Variants in TEX11 observed in about 807,000 individuals in gnomAD.
The protein encoded by TEX11 is testis expressed 11.
A neutral mutation model predicts 84.4 loss-of-function variants in TEX11; 7 were observed. That is an observed-to-expected ratio of 0.08 (90% CI 0.05 to 0.16). The LOEUF (loss-of-function observed/expected upper bound fraction) is 0.16. TEX11 is among the 10% of genes least tolerant of loss of function. The pLI, the probability that TEX11 is intolerant of heterozygous loss-of-function variation, is 1.00. For missense variants in TEX11, 551 were observed against 660.5 expected, an observed-to-expected ratio of 0.83 and a Z score of 1.82; for synonymous variants, 264 against 222.8, an observed-to-expected ratio of 1.18 and a Z score of -1.64.
chrX:70,520,951 G>T, the TEX11 span, among the ~76,000 whole-genome samples: 1 of 112,388 alleles, frequency 8.9e-6, no homozygotes, highest in East Asian at 2.8e-4. Context: ...GCCAGGCACG[G>T]GATATAATCT....
intron 28 of TEX11, among the ~76,000 whole-genome samples, chrX:70,541,100 G>C (rs776629546): frequency 9.0e-6 from 1 of 110,942 alleles, no homozygotes; most frequent in Admixed American, 9.7e-5. Context: ...TGAGGTGGGA[G>C]GATCGCTTAA....
chrX:70,542,189 G>T (rs982223076), intron 28 of TEX11, among the ~76,000 whole-genome samples: 1 of 110,731 alleles, frequency 9.0e-6, no homozygotes, highest in African/African-American at 3.3e-5. Context: ...GGTCATAAGA[G>T]GAGTGCTCTC....
chrX:70,772,000 C>T (rs764836605), intron 9 of TEX11, among the ~76,000 whole-genome samples: 2 of 111,871 alleles, frequency 1.8e-5, no homozygotes, highest in South Asian at 7.5e-4. Context: ...TGGCACGAAG[C>T]TTTATGCTGG....
chrX:70,748,871 T>A lies in TEX11; in HGVS notation c.693-4652A>T, dbSNP rs1221003295. Among the ~76,000 whole-genome samples the A allele has an allele frequency of 2.5e-3, 250 of 100,092 alleles. 3 individuals carry two copies. Among genetic ancestry groups the A allele is most frequent in the African/African-American group, 8.7e-3 (232 of 26,522 alleles). 86.9% of individuals were successfully genotyped at this position (100,092 alleles called of 115,157 possible). Reference sequence around the variant, plus strand: ...AGGTAGTGTGATGCCTCCAGCTTTGTTCTTTTGGCTTAGGATTGACTTGGC... The same window carrying A: ...AGGTAGTGTGATGCCTCCAGCTTTGATCTTTTGGCTTAGGATTGACTTGGC... On this transcript the variant is annotated intron_variant, in intron 9 of 29. Coordinates refer to ENST00000374333, the MANE Select transcript of TEX11 (RefSeq NM_031276.3).
intron 8 of TEX11, among the ~76,000 whole-genome samples, chrX:70,815,220 C>A (rs1201678360): frequency 2.7e-5 from 3 of 112,157 alleles, no homozygotes; most frequent in Non-Finnish European, 3.8e-5. Context: ...AAGAAAGAAT[C>A]CCTATGTTCC....
At chrX:70,578,226 T>C (rs946674577) in intron 25 of TEX11, among the ~76,000 whole-genome samples, 5 of 112,068 alleles carry the variant, frequency 4.5e-5, no homozygotes, top group Non-Finnish European at 9.4e-5. Context: ...TGAGTTTATG[T>C]TTTGTTTTAG....
chrX:70,733,534 C>CA (rs1457466410), intron 11 of TEX11, among the ~76,000 whole-genome samples: 16 of 109,635 alleles, frequency 1.5e-4, no homozygotes, highest in Non-Finnish European at 2.5e-4. Flanking sequence ...TTTATACAGC[C>CA]AAAAAAAACA....
intron 2 of TEX11, among the ~76,000 whole-genome samples, chrX:70,899,972 C>T (rs1407276639): frequency 9.9e-6 from 1 of 101,043 alleles, no homozygotes; most frequent in African/African-American, 3.6e-5. Context: ...GCCAGAACAG[C>T]CTGGCCAACA....
In TEX11 at chrX:70,855,706, G is replaced by A. The variant is rs192872560; in HGVS notation, c.325-2378C>T. Among the ~76,000 whole-genome samples the A allele has an allele frequency of 2.5e-3, 279 of 111,571 alleles. 2 individuals carry two copies. Among genetic ancestry groups the A allele is most frequent in the Non-Finnish European group, 2.5e-3 (133 of 53,142 alleles). On this transcript the variant is annotated intron_variant, in intron 5 of 29. Transcript: ENST00000374333. ...CTTTAAGAAGTGATTGCATTAAAAT[G>A]AGGCCATTAGGGCGGGCCCTAATCT...
At chrX:70,788,725 C>T (rs1012596486) in intron 9 of TEX11, among the ~76,000 whole-genome samples, 23 of 103,256 alleles carry the variant, frequency 2.2e-4, no homozygotes, top group African/African-American at 7.7e-4. Context: ...CACACACACA[C>T]ACACAGGGGA....
intron 14 of TEX11, among the ~76,000 whole-genome samples, chrX:70,681,498 C>T (rs942050675): frequency 3.6e-5 from 4 of 112,004 alleles, no homozygotes; most frequent in Non-Finnish European, 1.9e-5. Flanking sequence ...AAACAAACTT[C>T]CTAGTTTTCT....
intron 25 of TEX11, among the ~76,000 whole-genome samples, chrX:70,582,490 A>G (rs964034896): frequency 1.8e-5 from 2 of 111,338 alleles, no homozygotes; most frequent in Non-Finnish European, 3.8e-5. Context: ...TTTATTGATT[A>G]ATGCCTTCAC....
the TEX11 span, among the ~76,000 whole-genome samples, chrX:70,516,813 G>C: frequency 9.0e-6 from 1 of 110,827 alleles, no homozygotes; most frequent in African/African-American, 3.3e-5. Context: ...GTGGTTTGTA[G>C]TTCTCCTTGA....
intron 24 of TEX11, among the ~76,000 whole-genome samples, chrX:70,593,391 A>G (rs1332912663): frequency 2.7e-5 from 3 of 111,973 alleles, no homozygotes; most frequent in Non-Finnish European, 5.6e-5. Flanking sequence ...AAACATTAAC[A>G]TCCACAAACC....
chrX:70,638,654 A>G (rs2089604646), intron 17 of TEX11, among the ~76,000 whole-genome samples: 1 of 109,621 alleles, frequency 9.1e-6, no homozygotes, highest in Non-Finnish European at 1.9e-5. Context: ...GCAAAAAATT[A>G]TCTGGGCATG....
intron 22 of TEX11, among the ~76,000 whole-genome samples, chrX:70,608,758 A>T (rs1313754491): frequency 2.8e-5 from 3 of 106,980 alleles, no homozygotes; most frequent in Non-Finnish European, 5.8e-5. Flanking sequence ...AAAAAAAAAA[A>T]ATTAAGTATT....
chrX:70,596,614 T>C (rs2089010219), intron 24 of TEX11, among the ~76,000 whole-genome samples: 1 of 109,909 alleles, frequency 9.1e-6, no homozygotes, highest in Non-Finnish European at 1.9e-5. Flanking sequence ...CATACCAAAA[T>C]GTATGGGATG....
intron 9 of TEX11, among the ~76,000 whole-genome samples, chrX:70,773,899 G>A (rs2147779374): frequency 9.0e-6 from 1 of 111,456 alleles, no homozygotes; most frequent in East Asian, 2.8e-4. Context: ...TTGGCTGCGA[G>A]CTGAGAGAGA....
intron 9 of TEX11, among the ~76,000 whole-genome samples, chrX:70,772,722 C>T (rs1163414688): frequency 1.8e-5 from 2 of 111,260 alleles, no homozygotes; most frequent in Non-Finnish European, 3.8e-5. Flanking sequence ...CAGTTAATTA[C>T]AAGCGAACAC....
Sources: gnomAD v4.1 joint callset for allele counts (sites outside exome capture counted in the v4.1 genomes callset) on GRCh38, gnomAD v4.1.1 for gene constraint, MANE v1.5 for transcripts, NCBI Gene and HGNC (gene_info 2026-07-23, HGNC 2026-07-21) for gene names.